DNAH7: variants seen among roughly 807,000 people sequenced by gnomAD.
The protein encoded by DNAH7 is axonemal beta dynein heavy chain 7.
Under a neutral mutation model 444.6 loss-of-function variants are expected in DNAH7, and 397 were observed. That is an observed-to-expected ratio of 0.89 (90% CI 0.82 to 0.97). The LOEUF (loss-of-function observed/expected upper bound fraction) is 0.97, where lower values mean the gene tolerates loss of function less well. DNAH7 is among the 50% of genes least tolerant of loss of function. The pLI is 0.00. For missense variants in DNAH7, 4,902 were observed against 4,800.8 expected, an observed-to-expected ratio of 1.02 and a Z score of -0.62; for synonymous variants, 1,636 against 1,624.4, an observed-to-expected ratio of 1.01 and a Z score of -0.17.
At chr2:195,902,409 T>C (rs1574716454) in intron 27 of DNAH7, 2 of 152,166 alleles carry the variant, frequency 1.3e-5, no homozygotes, top group South Asian at 2.1e-4. Context: ...AGCATGAGAA[T>C]TGCTATACAG....
rs146250472 is a variant in DNAH7, at chr2:195,872,760, G to A, written c.6414-291C>T. ...TAAGTGAACAGAAGAGACAGCCAAG[G>A]AACCCAGATTATGTAATCCCAAATC... On this transcript the variant is annotated intron_variant, in intron 39 of 64. Transcript: ENST00000312428. Among the ~76,000 whole-genome samples, 482 of 152,172 alleles carry A rather than the reference G, an allele frequency of 3.2e-3. 3 individuals carry two copies. The highest frequency in any genetic ancestry group is 0.011 in the African/African-American group (469 of 41,524).
chr2:195,878,709 C>T (rs947649725), intron 36 of DNAH7, among the ~76,000 whole-genome samples: 3 of 152,102 alleles, frequency 2.0e-5, no homozygotes, highest in African/African-American at 4.8e-5. Context: ...TAAATCTAAC[C>T]ATAATAAACA....
At chr2:195,936,477 G>A (rs575046669) in intron 20 of DNAH7, 122 bp downstream of exon 20, 1 of 577,390 alleles carries the variant, frequency 1.7e-6, no homozygotes, top group South Asian at 5.2e-5. Context: ...ATAATACTTG[G>A]AACATTCTTG....
chr2:195,790,692 A>C (rs1574439056), intron 57 of DNAH7, among the ~76,000 whole-genome samples: 1 of 152,226 alleles, frequency 6.6e-6, no homozygotes, highest in African/African-American at 2.4e-5. Flanking sequence ...AAATTAGCTC[A>C]AAATGGATTA....
chr2:195,996,107 A>G (rs919200762), intron 12 of DNAH7, among the ~76,000 whole-genome samples: 7 of 152,208 alleles, frequency 4.6e-5, no homozygotes, highest in Admixed American at 6.5e-5. Context: ...GACAGAAAAT[A>G]CACTAGAGTG....
chr2:196,046,962 A>G (rs1697168452), intron 5 of DNAH7, among the ~76,000 whole-genome samples: 1 of 152,198 alleles, frequency 6.6e-6, no homozygotes, highest in Non-Finnish European at 1.5e-5. Context: ...GGCCCTGCAC[A>G]CACTGCTGAC....
At chr2:195,944,763 T>C (rs1460976047) in intron 19 of DNAH7, among the ~76,000 whole-genome samples, 1 of 152,136 alleles carries the variant, frequency 6.6e-6, no homozygotes, top group Admixed American at 6.6e-5. Context: ...AAGGCTCTTT[T>C]AGCAAATCAC....
rs145052930 is a variant in DNAH7, at chr2:195,782,610, G to A, written c.10878+4400C>T. ...TAGCCATTTTTTTCCAAAAAAAATC[G>A]TATTATTTCTGCGAAGTCCTGAAAG... On this transcript the variant is annotated intron_variant, in intron 58 of 64. Transcript: ENST00000312428. 2.2e-3 allele frequency among the ~76,000 whole-genome samples: 336 copies of A among 152,036 alleles called. 1 individual carries two copies. Among genetic ancestry groups the A allele is most frequent in the Non-Finnish European group, 3.8e-3 (257 of 67,970 alleles).
chr2:195,868,949 G>A (rs1446293837), intron 40 of DNAH7, among the ~76,000 whole-genome samples: 2 of 151,018 alleles, frequency 1.3e-5, no homozygotes, highest in Non-Finnish European at 2.9e-5. Context: ...AAACCCTGAA[G>A]AAATATTTTC....
At chr2:195,876,996 G>C (rs1701101445) in intron 36 of DNAH7, among the ~76,000 whole-genome samples, 1 of 152,132 alleles carries the variant, frequency 6.6e-6, no homozygotes, top group Non-Finnish European at 1.5e-5. Context: ...TCCGAGATGG[G>C]CAAGAATTCA....
intron 61 of DNAH7, among the ~76,000 whole-genome samples, chr2:195,762,760 A>G (rs1418694739): frequency 6.6e-6 from 1 of 152,176 alleles, no homozygotes; most frequent in Non-Finnish European, 1.5e-5. Flanking sequence ...AGAGACACAG[A>G]CACCAATAAA....
chr2:195,867,348 T>C (rs576919810), intron 40 of DNAH7, among the ~76,000 whole-genome samples: 4 of 152,352 alleles, frequency 2.6e-5, no homozygotes, highest in African/African-American at 9.6e-5. Context: ...TAAATCTAAA[T>C]TGTTGCAAAG....
At chr2:195,913,842 A>T (rs1267211222) in intron 24 of DNAH7, among the ~76,000 whole-genome samples, 1 of 152,188 alleles carries the variant, frequency 6.6e-6, no homozygotes, top group African/African-American at 2.4e-5. Context: ...CAGCCTCCCA[A>T]GTAGCTGGGA....
At chr2:196,047,189 A>C (rs1213596797) in intron 5 of DNAH7, among the ~76,000 whole-genome samples, 163 bp downstream of exon 5, 1 of 152,222 alleles carries the variant, frequency 6.6e-6, no homozygotes, top group African/African-American at 2.4e-5. Context: ...CACACTTAAC[A>C]GGGTTAAACT....
chr2:195,839,501 A>G (rs2124983617), intron 47 of DNAH7, among the ~76,000 whole-genome samples: 1 of 151,940 alleles, frequency 6.6e-6, no homozygotes, highest in Admixed American at 6.6e-5. Context: ...AGAAGCAAAG[A>G]AATAATAAAT....
chr2:195,996,000 A>T, intron 12 of DNAH7, among the ~76,000 whole-genome samples: 1 of 152,242 alleles, frequency 6.6e-6, no homozygotes, highest in Non-Finnish European at 1.5e-5. Context: ...ACATTTTAAC[A>T]TAGTTAATTC....
At chr2:195,764,290 A>C (rs1418004736) in intron 61 of DNAH7, among the ~76,000 whole-genome samples, 1 of 152,144 alleles carries the variant, frequency 6.6e-6, no homozygotes, top group Non-Finnish European at 1.5e-5. Context: ...ATCATACTGC[A>C]TGGAGAAAAG....
At chr2:195,846,338 T>C (rs1281560013) in intron 46 of DNAH7, among the ~76,000 whole-genome samples, 3 of 152,188 alleles carry the variant, frequency 2.0e-5, no homozygotes, top group African/African-American at 7.2e-5. Context: ...AGAATGGCTT[T>C]TGTTAAAAGT....
chr2:195,891,789 T>C lies in DNAH7; in HGVS notation c.4912A>G (p.Asn1638Asp). 1 of 1,580,944 alleles carries C rather than the reference T, an allele frequency of 6.3e-7. No individual in the cohort carries two copies. Among genetic ancestry groups the C allele is most frequent in the Non-Finnish European group, 8.6e-7 (1 of 1,169,044 alleles). The change falls in exon 31 of 65, where the codon AAC (asparagine) becomes GAC (aspartate). Residue 1638 changes from asparagine to aspartate, a missense_variant. Asn to Asp is a conservative substitution (Grantham distance 23, BLOSUM62 1). Coordinates refer to ENST00000312428, the MANE Select transcript of DNAH7 (RefSeq NM_018897.3). ...TTTAAAACAGTTATTTGAACTTTGT[T>C]TTCTTCCATTAGCCCCTTAATGAAA... ...DICEKGLMEE[N>D]KVQITVLNPK...
Sources: gnomAD v4.1 joint callset for allele counts (sites outside exome capture counted in the v4.1 genomes callset) on GRCh38, gnomAD v4.1.1 for gene constraint, MANE v1.5 for transcripts, NCBI Gene and HGNC (gene_info 2026-07-23, HGNC 2026-07-21) for gene names.